The following BLMH variants were observed in gnomAD, a reference collection of about 807,000 sequenced individuals.
BLMH encodes the protein BLM hydrolase.
BLMH carries 32 observed loss-of-function variants against 61.6 expected under a neutral mutation model. The ratio of observed to expected loss-of-function variants is 0.52; its 90% confidence interval spans 0.39 to 0.70. The LOEUF is 0.70. Among genes scored for constraint, BLMH ranks in the 30% least tolerant of loss-of-function variants. The pLI is 0.00. For synonymous variants in BLMH, 183 were observed against 193.8 expected, an observed-to-expected ratio of 0.94 and a Z score of 0.46; for missense variants, 460 against 555.5, an observed-to-expected ratio of 0.83 and a Z score of 1.73.
intron 6 of BLMH, among the ~76,000 whole-genome samples, chr17:30,274,635 A>C (rs1285846585): frequency 6.6e-6 from 1 of 152,130 alleles, no homozygotes; most frequent in Non-Finnish European, 1.5e-5. Context: ...AGTCATAGGA[A>C]AGTAACTAAT....
intron 11 of BLMH, among the ~76,000 whole-genome samples, chr17:30,257,658 C>A (rs1788288308): frequency 6.6e-6 from 1 of 152,186 alleles, no homozygotes; most frequent in Non-Finnish European, 1.5e-5. Flanking sequence ...CTCCAAAACC[C>A]TGTGAGGAGC....
At chr17:30,254,981 C>T (rs916522275) in intron 11 of BLMH, among the ~76,000 whole-genome samples, 1 of 152,182 alleles carries the variant, frequency 6.6e-6, no homozygotes, top group Non-Finnish European at 1.5e-5. Context: ...CTATCTACAT[C>T]ATAATTTTTA....
In BLMH at chr17:30,248,840, A is replaced by T; in HGVS notation, c.*177T>A. The T allele has an allele frequency of 1.4e-6, 1 of 700,992 alleles. No individual in the cohort carries two copies. The highest frequency in any genetic ancestry group is 3.0e-5 in the Admixed American group (1 of 33,310). 43.4% of individuals were successfully genotyped at this position (700,992 alleles called of 1,614,324 possible). Reference sequence around the variant, plus strand: ...TCCCCCCTCTTTTTTTTCCTTTAACAGTATTCTGTTTCAGCATAAAGCACA... The same window carrying T: ...TCCCCCCTCTTTTTTTTCCTTTAACTGTATTCTGTTTCAGCATAAAGCACA... On this transcript the variant is annotated 3_prime_UTR_variant, in exon 12 of 12. Coordinates refer to ENST00000261714, the MANE Select transcript of BLMH (RefSeq NM_000386.4).
chr17:30,289,293 G>T, intron 3 of BLMH, 80 bp downstream of exon 3: 1 of 842,834 alleles, frequency 1.2e-6, no homozygotes, highest in Admixed American at 3.1e-5. Flanking sequence ...GGCTATAACT[G>T]GAAAAGCTAC....
intron 11 of BLMH, among the ~76,000 whole-genome samples, chr17:30,255,128 C>A (rs902722555): frequency 6.6e-6 from 1 of 152,224 alleles, no homozygotes; most frequent in Non-Finnish European, 1.5e-5. Context: ...CCTTAATCAT[C>A]TGCATTAATG....
At chr17:30,271,477 A>G in intron 9 of BLMH, 89 bp from the exon 10 acceptor site, 1 of 942,344 alleles carries the variant, frequency 1.1e-6, no homozygotes, top group Non-Finnish European at 1.7e-6. Flanking sequence ...GAAGAAACTG[A>G]AGGGGCTCAA....
chr17:30,265,712 G>A (rs959408350), intron 11 of BLMH, among the ~76,000 whole-genome samples: 1 of 152,012 alleles, frequency 6.6e-6, no homozygotes, highest in African/African-American at 2.4e-5. Flanking sequence ...AGAATCCATT[G>A]GCTAAAAGAA....
At chr17:30,283,616 G>A (rs773989655) in intron 6 of BLMH, among the ~76,000 whole-genome samples, 2 of 151,040 alleles carry the variant, frequency 1.3e-5, no homozygotes, top group Non-Finnish European at 2.9e-5. Flanking sequence ...CTGCCTCCTG[G>A]GTTCAAGTGA....
chr17:30,256,359 T>C (rs1172457409), intron 11 of BLMH, among the ~76,000 whole-genome samples: 4 of 152,176 alleles, frequency 2.6e-5, no homozygotes, highest in Non-Finnish European at 5.9e-5. Flanking sequence ...GGCAGAGTCT[T>C]GCTCTGTAGC....
rs534985520 is a variant in BLMH at position 30,261,418 on chromosome 17, AGC to A, written c.1216+5465_1216+5466del. Among the ~76,000 whole-genome samples, 5 of 152,352 alleles carry A rather than the reference AGC, an allele frequency of 3.3e-5. No individual in the cohort carries two copies. In the East Asian group the frequency reaches 9.6e-4, roughly 29 times the overall value. On this transcript the variant is annotated intron_variant, in intron 11 of 11. Coordinates refer to ENST00000261714, the MANE Select transcript of BLMH (RefSeq NM_000386.4). ...ATTCTCACGAAGCAAGATGCCCTGT[AGC>A]TTTATGTCCTGAGTACCTCCAACAG... is the stretch of plus-strand genomic sequence containing the variant.
intron 2 of BLMH, among the ~76,000 whole-genome samples, chr17:30,290,598 TG>T (rs1452177787): frequency 6.6e-6 from 1 of 152,350 alleles, no homozygotes; most frequent in African/African-American, 2.4e-5. Context: ...ATAGATAGAC[TG>T]GGGGGTCGTT....
intron 11 of BLMH, among the ~76,000 whole-genome samples, chr17:30,259,322 C>G (rs1179666022): frequency 2.0e-5 from 3 of 152,078 alleles, no homozygotes; most frequent in Non-Finnish European, 4.4e-5. Context: ...CCTGAAGTTT[C>G]CAAAAACTAC....
intron 11 of BLMH, among the ~76,000 whole-genome samples, chr17:30,261,412 C>G (rs1399838654): frequency 3.9e-5 from 6 of 152,138 alleles, no homozygotes; most frequent in Non-Finnish European, 8.8e-5. Flanking sequence ...AAGCAAGATG[C>G]CCTGTAGCTT....
At chr17:30,256,059 T>G (rs1907805254) in intron 11 of BLMH, among the ~76,000 whole-genome samples, 1 of 152,150 alleles carries the variant, frequency 6.6e-6, no homozygotes, top group Non-Finnish European at 1.5e-5. Context: ...CTTAATTTTC[T>G]TAATTTTTGT....
chr17:30,260,724 C>CAA (rs201929500), intron 11 of BLMH, among the ~76,000 whole-genome samples: 1 of 151,006 alleles, frequency 6.6e-6, no homozygotes, highest in Admixed American at 6.6e-5. Context: ...ATTAAAAATA[C>CAA]AAAAAAAAAT....
At chr17:30,264,288 CA>C (rs1908040182) in intron 11 of BLMH, among the ~76,000 whole-genome samples, 4 of 152,014 alleles carry the variant, frequency 2.6e-5, no homozygotes, top group Admixed American at 2.6e-4. Flanking sequence ...TTGAGAACAA[CA>C]AAAAAGTTAA....
chr17:30,258,402 AT>A (rs1370861817), intron 11 of BLMH, among the ~76,000 whole-genome samples: 1 of 152,240 alleles, frequency 6.6e-6, no homozygotes, highest in African/African-American at 2.4e-5. Flanking sequence ...AGATACTCTT[AT>A]AGCCGGATAT....
chr17:30,289,175 C>CA (rs1452586250), intron 3 of BLMH, among the ~76,000 whole-genome samples, 198 bp downstream of exon 3: 1 of 151,756 alleles, frequency 6.6e-6, no homozygotes, highest in Non-Finnish European at 1.5e-5. Flanking sequence ...TATTTCATTG[C>CA]AAAAAAATGG....
rs569278319 is a variant in BLMH, at chr17:30,249,232, T to A, written c.1217-64A>T. 4 of 1,545,468 alleles carry A rather than the reference T, an allele frequency of 2.6e-6. No individual in the cohort carries two copies. The South Asian group carries it at 3.5e-5, about 14-fold the overall frequency. On this transcript the variant is annotated intron_variant, in intron 11 of 11. Coordinates refer to ENST00000261714, the MANE Select transcript of BLMH (RefSeq NM_000386.4). ...AAGGGACAAAGAGCAGAAACCCTTT[T>A]TGTAGGATAAACCTTTTACAAAACT...
Sources: allele counts gnomAD v4.1 joint callset (sites outside exome capture counted in the v4.1 genomes callset), GRCh38; gene constraint gnomAD v4.1.1; transcripts MANE v1.5; gene names NCBI Gene and HGNC (gene_info 2026-07-23, HGNC 2026-07-21).